NUFIP2: variants seen among roughly 807,000 people sequenced by gnomAD.
NUFIP2 encodes the protein nuclear FMR1 interacting protein 2.
In NUFIP2, 6 loss-of-function variants were observed where a neutral mutation model predicts 56.9. The observed-to-expected ratio is 0.11, with a 90% CI of 0.06 to 0.21. NUFIP2 has a LOEUF of 0.21. Ranked by LOEUF, NUFIP2 falls within the 10% of genes least tolerant of loss-of-function variation. The pLI is 1.00. For synonymous variants in NUFIP2, 321 were observed against 298.2 expected (o/e 1.08, Z -0.79); for missense variants, 828 against 826.8 (o/e 1.00, Z -0.02).
intron 2 of NUFIP2, among the ~76,000 whole-genome samples, chr17:29,271,179 A>C (rs2069070037): frequency 6.6e-6 from 1 of 152,176 alleles, no homozygotes; most frequent in Non-Finnish European, 1.5e-5. Flanking sequence ...CTGAGGGGGA[A>C]ATAGGGATGT....
intron 2 of NUFIP2, among the ~76,000 whole-genome samples, chr17:29,272,300 G>C (rs539943135): frequency 6.7e-6 from 1 of 150,346 alleles, no homozygotes; most frequent in African/African-American, 2.5e-5. Context: ...GAGTGCAGTG[G>C]CGCTATCTCG....
intron 2 of NUFIP2, among the ~76,000 whole-genome samples, chr17:29,281,005 A>T (rs942892675): frequency 2.0e-5 from 3 of 151,424 alleles, no homozygotes; most frequent in Non-Finnish European, 4.4e-5. Context: ...AAAGGAAAAG[A>T]AAAGTTAGGA....
rs533484441 is a variant in NUFIP2, at chr17:29,273,805, A to G, written c.2003-6275T>C. ...CTGAAATTTCTTTACATCAAAACTT[A>G]TATTTAGCTATGCCACTCAAATGAA... On this transcript the variant is annotated intron_variant, in intron 2 of 3. Transcript: ENST00000225388. Among the ~76,000 whole-genome samples the G allele has an allele frequency of 6.0e-4, 91 of 152,328 alleles. 1 individual carries two copies. Among genetic ancestry groups the G allele is most frequent in the South Asian group, 5.2e-3 (25 of 4,832 alleles).
Position 29,286,726 on chromosome 17 carries a change from G to T in NUFIP2, c.1268C>A (p.Thr423Asn), listed in dbSNP as rs762337253. 1 of 1,614,068 alleles carries T rather than the reference G, an allele frequency of 6.2e-7. No individual in the cohort carries two copies. Among genetic ancestry groups the T allele is most frequent in the Non-Finnish European group, 8.5e-7 (1 of 1,180,030 alleles). ...CCCTGGAGGATAAACATTTCCATCAGTCCCTGCTAAAACAGGCCCATTAGA... is the reference window on the plus strand; with the variant it reads ...CCCTGGAGGATAAACATTTCCATCATTCCCTGCTAAAACAGGCCCATTAGA... ...NFSNGPVLAG[T>N]DGNVYPPGGQ... Residue 423 changes from threonine to asparagine, a missense_variant, in exon 2 of 4, where the codon ACT becomes AAT. This residue lies in a region of NUFIP2 where 404 missense variants were observed against 380.3 expected (regional missense o/e 1.06). Coordinates refer to ENST00000225388, the MANE Select transcript of NUFIP2 (RefSeq NM_020772.3).
intron 2 of NUFIP2, among the ~76,000 whole-genome samples, chr17:29,276,209 T>C (rs2069107608): frequency 6.6e-6 from 1 of 152,096 alleles, no homozygotes; most frequent in African/African-American, 2.4e-5. Flanking sequence ...GACTTTAAAC[T>C]TGTACCATTC....
In NUFIP2 at chr17:29,260,145, T is replaced by A. The variant is rs1310691709; in HGVS notation, c.*4394A>T. 1 of 152,262 alleles carries A rather than the reference T, an allele frequency of 6.6e-6. No individual in the cohort carries two copies. The highest frequency in any genetic ancestry group is 6.5e-5 in the Admixed American group (1 of 15,290). 9.4% of individuals were successfully genotyped at this position (152,262 alleles called of 1,614,324 possible). The stretch of plus-strand genomic sequence containing the variant: ...GCAGCTATTTATGCTTCTAGTCTTT[T>A]CCTCTGCCTCTCCCTTTTAAACAAA... On this transcript the variant is annotated 3_prime_UTR_variant, in exon 4 of 4. Transcript: ENST00000225388.
Position 29,293,963 on chromosome 17 carries a change from G to A in NUFIP2, c.97C>T (p.His33Tyr). ...TGGTTGTAGAAATAATAATGGTGGT[G>A]GTGGTGCGGCTGCTGCTGCTGCTGC... is the stretch of plus-strand genomic sequence containing the variant. ...PQQQQQQPHH[H>Y]HHYYFYNHSH... The change falls in exon 1 of 4, where the codon CAC (histidine) becomes TAC (tyrosine). Residue 33 changes from histidine (H) to tyrosine (Y), a missense_variant. His to Tyr is a moderately conservative substitution (Grantham distance 83). Transcript: ENST00000225388. 1 of 1,612,684 alleles carries A rather than the reference G, an allele frequency of 6.2e-7. No homozygotes were observed. Among genetic ancestry groups the A allele is most frequent in the Non-Finnish European group, 8.5e-7 (1 of 1,178,766 alleles).
Position 29,286,957 on chromosome 17 carries a change from T to A in NUFIP2, c.1037A>T (p.Asp346Val). Residue 346 changes from aspartate (D) to valine (V), a missense_variant, in exon 2 of 4, where the codon GAC becomes GTC. Asp to Val is a radical substitution (Grantham distance 152). This residue lies in a region of NUFIP2 where 9 missense variants were observed against 37.8 expected (regional missense o/e 0.24). Coordinates refer to ENST00000225388, the MANE Select transcript of NUFIP2 (RefSeq NM_020772.3). ...LFKPPPVFPVDNSSAKIVPKI... is the reference protein window; with the variant it reads ...LFKPPPVFPVVNSSAKIVPKI... ...AGGAACTATTTTAGCACTGCTATTG[T>A]CCACTGGAAAAACTGGGGGTGGTTT... 1 of 1,614,172 alleles carries A rather than the reference T, an allele frequency of 6.2e-7. No individual in the cohort carries two copies. The highest frequency in any genetic ancestry group is 8.5e-7 in the Non-Finnish European group (1 of 1,180,016).
At position 29,262,658 on chromosome 17, in the gene NUFIP2, C is replaced by T. The variant is rs2069010270; in HGVS notation, c.*1881G>A. On this transcript the variant is annotated 3_prime_UTR_variant, in exon 4 of 4. Transcript: ENST00000225388. ...ATATCAGTCAAAGTGATACAGTTTA[C>T]AGGTGAAATGAAACTATCTGGAACT... 2 of 151,860 alleles carry T rather than the reference C, an allele frequency of 1.3e-5. No individual in the cohort carries two copies. The highest frequency in any genetic ancestry group is 6.6e-5 in the Admixed American group (1 of 15,186). 9.4% of individuals were successfully genotyped at this position (151,860 alleles called of 1,614,324 possible). A position where few individuals can be genotyped will look rare whatever the true frequency, so the allele number is the denominator to read the frequency against.
rs1017706871 is a variant in NUFIP2, at chr17:29,257,518, C to T, written c.*7021G>A. On this transcript the variant is annotated 3_prime_UTR_variant, in exon 4 of 4. Transcript: ENST00000225388. ...AAGTCACATTAGGGAAAATTCAGAT[C>T]TTTTTTTTTTTTAATGACAAGAATT... 6.9e-6 allele frequency: 1 copy of T among 144,600 alleles called. No homozygotes were observed. The highest frequency in any genetic ancestry group is 2.5e-5 in the African/African-American group (1 of 39,510). The allele number at this position is 144,600 out of a possible 1,614,324, so 9.0% of individuals were successfully genotyped here.
intron 1 of NUFIP2, among the ~76,000 whole-genome samples, chr17:29,291,769 T>C (rs765249710): frequency 1.3e-5 from 2 of 152,258 alleles, no homozygotes; most frequent in African/African-American, 2.4e-5. Flanking sequence ...AATCTAGTTA[T>C]ATAGTCCCTA....
Position 29,293,848 on chromosome 17 carries a change from T to A in NUFIP2, c.212A>T (p.Lys71Met). 1 of 1,610,750 alleles carries A rather than the reference T, an allele frequency of 6.2e-7. No individual in the cohort carries two copies. Among genetic ancestry groups the A allele is most frequent in the Non-Finnish European group, 8.5e-7 (1 of 1,177,650 alleles). The change falls in exon 1 of 4, where the codon AAG (lysine) becomes ATG (methionine). Residue 71 changes from lysine (K) to methionine (M), a missense_variant. Around this residue, in one of 3 missense-constraint regions of NUFIP2, gnomAD observed 415 missense variants for 408.7 expected, o/e 1.02. Coordinates refer to ENST00000225388, the MANE Select transcript of NUFIP2 (RefSeq NM_020772.3). ...GAEGSPKAQPKPLKHEQKHTL... is the reference protein window; with the variant it reads ...GAEGSPKAQPMPLKHEQKHTL... ...GTGTTTCTGCTCATGTTTCAGCGGC[T>A]TTGGCTGGGCCTTGGGGCTGCCCTC...
intron 3 of NUFIP2, 102 bp downstream of exon 3, chr17:29,267,395 CA>C: frequency 1.5e-6 from 1 of 666,188 alleles, no homozygotes. Flanking sequence ...ACTCAAAATA[CA>C]AAGTCTATTT....
At chr17:29,272,431 G>A (rs968185666) in intron 2 of NUFIP2, among the ~76,000 whole-genome samples, 2 of 151,870 alleles carry the variant, frequency 1.3e-5, no homozygotes. Flanking sequence ...TAGTAGAGAC[G>A]GGGTTTCACC....
At chr17:29,284,415 T>C (rs1229158916) in intron 2 of NUFIP2, among the ~76,000 whole-genome samples, 1 of 152,114 alleles carries the variant, frequency 6.6e-6, no homozygotes, top group Admixed American at 6.5e-5. Context: ...AAGAAAGTGA[T>C]TAACATGAGG....
At chr17:29,278,904 G>T (rs577509167) in intron 2 of NUFIP2, among the ~76,000 whole-genome samples, 1 of 152,218 alleles carries the variant, frequency 6.6e-6, no homozygotes, top group African/African-American at 2.4e-5. Flanking sequence ...CTCTCACTGG[G>T]AGAAAGGGGA....
Position 29,286,176 on chromosome 17 carries a change from G to T in NUFIP2, c.1818C>A (p.Thr606=). The change falls in exon 2 of 4, where the codon ACC becomes ACA. Residue 606 remains threonine (T), a synonymous_variant. Coordinates refer to ENST00000225388, the MANE Select transcript of NUFIP2 (RefSeq NM_020772.3). ...SHIGDLQKAD[T]SSQGALVFLS... Reference sequence around the variant, plus strand: ...GAAACACTAAAGCACCTTGACTACTGGTGTCTGCTTTCTGCAGGTCACCTA... The same window carrying T: ...GAAACACTAAAGCACCTTGACTACTTGTGTCTGCTTTCTGCAGGTCACCTA... 6.2e-7 allele frequency: 1 copy of T among 1,613,888 alleles called. No individual in the cohort carries two copies.
In NUFIP2 at chr17:29,257,765, A is replaced by C. The variant is rs898910856; in HGVS notation, c.*6774T>G. 2 of 152,200 alleles carry C rather than the reference A, an allele frequency of 1.3e-5. No homozygotes were observed. Among genetic ancestry groups the C allele is most frequent in the African/African-American group, 4.8e-5 (2 of 41,454 alleles). The allele number at this position is 152,200 out of a possible 1,614,324, so 9.4% of individuals were successfully genotyped here. A position where few individuals can be genotyped will look rare whatever the true frequency, so the allele number is the denominator to read the frequency against. ...AACACTAAAAGAGACAGCAAGCTGA[A>C]ACTTTTTTCAAAGCACACAAGAAAT... is the stretch of plus-strand genomic sequence containing the variant. On this transcript the variant is annotated 3_prime_UTR_variant, in exon 4 of 4. Transcript: ENST00000225388.
chr17:29,266,720 A>G (rs1485044383), intron 3 of NUFIP2, among the ~76,000 whole-genome samples: 1 of 151,898 alleles, frequency 6.6e-6, no homozygotes, highest in East Asian at 1.9e-4. Flanking sequence ...TTCCTACATT[A>G]ATAACATTTA....
Sources: allele counts gnomAD v4.1 joint callset (sites outside exome capture counted in the v4.1 genomes callset), GRCh38; gene constraint gnomAD v4.1.1; regional missense constraint gnomAD v4.1.1; transcripts MANE v1.5; gene names NCBI Gene and HGNC (gene_info 2026-07-23, HGNC 2026-07-21).